The following RALGAPB variants were observed in gnomAD, a reference collection of about 807,000 sequenced individuals.
RALGAPB encodes ral GTPase-activating protein subunit beta.
A neutral mutation model predicts 161.1 loss-of-function variants in RALGAPB; 25 were observed. The ratio of observed to expected loss-of-function variants is 0.16; its 90% confidence interval spans 0.11 to 0.22. The LOEUF is 0.22. Ranked by LOEUF, RALGAPB falls within the 10% of genes least tolerant of loss-of-function variation. RALGAPB has a pLI of 1.00. For synonymous variants in RALGAPB, 629 were observed against 626.1 expected (o/e 1.00, Z -0.07); for missense variants, 1,391 against 1,815.2 (o/e 0.77, Z 4.25).
intron 5 of RALGAPB, 160 bp downstream of exon 5, chr20:38,499,793 G>C (rs750650415): frequency 1.7e-4 from 93 of 542,854 alleles, no homozygotes; most frequent in Non-Finnish European, 2.6e-4. Context: ...AGTTTGGCTA[G>C]TGCCTGTTTA....
At chr20:38,518,755 T>C (rs926987567) in intron 9 of RALGAPB, among the ~76,000 whole-genome samples, 30 of 152,314 alleles carry the variant, frequency 2.0e-4, no homozygotes, top group African/African-American at 7.0e-4. Context: ...TGAGCTGCTG[T>C]TACTATTGGC....
At chr20:38,474,041 T>A (rs1036694166) in intron 1 of RALGAPB, among the ~76,000 whole-genome samples, 1 of 152,330 alleles carries the variant, frequency 6.6e-6, no homozygotes, top group African/African-American at 2.4e-5. Flanking sequence ...TGTGAAAGAC[T>A]GTTAGGGATG....
intron 18 of RALGAPB, 88 bp downstream of exon 18, chr20:38,541,280 C>A: frequency 7.6e-7 from 1 of 1,319,000 alleles, no homozygotes; most frequent in South Asian, 1.7e-5. Flanking sequence ...CCTGATTGTT[C>A]AGCATTGCGT....
intron 5 of RALGAPB, among the ~76,000 whole-genome samples, chr20:38,508,304 A>G (rs2085828447): frequency 6.6e-6 from 1 of 152,126 alleles, no homozygotes; most frequent in Non-Finnish European, 1.5e-5. Context: ...AATGATTAAC[A>G]TACCTAACCT....
At position 38,570,931 on chromosome 20, in the gene RALGAPB, G is replaced by A. The variant is rs891727226; in HGVS notation, c.4142+84G>A. On this transcript the variant is annotated intron_variant, in intron 28 of 29. Transcript: ENST00000262879. ...CTTAATAAATAAGGAATTATGAAAC[G>A]AAAGAGTTGTAGACAACTAGAAATA... The A allele has an allele frequency of 2.2e-5, 20 of 919,324 alleles. No homozygotes were observed. In the African/African-American group the frequency reaches 2.2e-4, roughly 10 times the overall value. The allele number at this position is 919,324 out of a possible 1,614,324, so 56.9% of individuals were successfully genotyped here.
intron 17 of RALGAPB, among the ~76,000 whole-genome samples, chr20:38,540,315 A>G (rs999193643): frequency 6.6e-6 from 1 of 152,212 alleles, no homozygotes; most frequent in Non-Finnish European, 1.5e-5. Flanking sequence ...CAGGCTGCAA[A>G]CCTAGAGCAC....
rs769968931 is a variant in RALGAPB, at chr20:38,488,392, T to G, written c.-30-11T>G. 6.6e-7 allele frequency: 1 copy of G among 1,523,818 alleles called. No homozygotes were observed. The highest frequency in any genetic ancestry group is 9.0e-7 in the Non-Finnish European group (1 of 1,109,784). 94.4% of individuals were successfully genotyped at this position (1,523,818 alleles called of 1,614,324 possible). On this transcript the variant is annotated splice_polypyrimidine_tract_variant and intron_variant, in intron 1 of 29. Transcript: ENST00000262879. ...TATAATTTGACATGCATTTCTGTTTTGTCTTTTCAGGTGCCATTTGGATTG... is the reference window on the plus strand; with the variant it reads ...TATAATTTGACATGCATTTCTGTTTGGTCTTTTCAGGTGCCATTTGGATTG...
chr20:38,532,900 G>A (rs1213025010), intron 15 of RALGAPB, 41 bp downstream of exon 15: 1 of 1,584,538 alleles, frequency 6.3e-7, no homozygotes. Flanking sequence ...TTAATAGAAT[G>A]ACTTTAATGC....
chr20:38,532,157 G>A (rs2086672984), intron 14 of RALGAPB, among the ~76,000 whole-genome samples: 2 of 152,200 alleles, frequency 1.3e-5, no homozygotes, highest in Admixed American at 1.3e-4. Context: ...CCAGGTTCCT[G>A]CCATTCTTCT....
rs921017230 is a variant in RALGAPB, at chr20:38,576,824, A to G, written c.*1857A>G. On this transcript the variant is annotated 3_prime_UTR_variant, in exon 30 of 30. Transcript: ENST00000262879. ...TGAGCAGAGAAGGCTATAAATTAAT[A>G]TGTAACTTACAGCATTCCAGAGGTT... The G allele has an allele frequency of 1.3e-5, 2 of 152,652 alleles. No individual in the cohort carries two copies. The highest frequency in any genetic ancestry group is 4.8e-5 in the African/African-American group (2 of 41,448). 9.5% of individuals were successfully genotyped at this position (152,652 alleles called of 1,614,324 possible).
At chr20:38,510,393 A>G (rs1163974724) in intron 6 of RALGAPB, among the ~76,000 whole-genome samples, 1 of 152,156 alleles carries the variant, frequency 6.6e-6, no homozygotes, top group East Asian at 1.9e-4. Flanking sequence ...ACTTTATAAT[A>G]TTTACTGATA....
At chr20:38,546,506 A>T in intron 19 of RALGAPB, 76 bp downstream of exon 19, 2 of 1,575,846 alleles carry the variant, frequency 1.3e-6, no homozygotes, top group South Asian at 2.3e-5. Context: ...TTCCAGGATC[A>T]GGGAAGGACA....
chr20:38,516,761 T>C (rs968742257), intron 7 of RALGAPB: 1 of 159,426 alleles, frequency 6.3e-6, no homozygotes, highest in African/African-American at 2.4e-5. Context: ...AAAATACAGA[T>C]GAAAATGCAT....
At chr20:38,536,087 T>C (rs1018024938) in intron 16 of RALGAPB, among the ~76,000 whole-genome samples, 1 of 152,226 alleles carries the variant, frequency 6.6e-6, no homozygotes, top group African/African-American at 2.4e-5. Context: ...AGTTCCAAAA[T>C]GTTTTTATCA....
chr20:38,506,157 A>G (rs1420249225), intron 5 of RALGAPB, among the ~76,000 whole-genome samples: 2 of 152,198 alleles, frequency 1.3e-5, no homozygotes, highest in African/African-American at 4.8e-5. Context: ...ATATAGGAAG[A>G]TGTGTGTAGG....
At chr20:38,473,394 C>T (rs575262191) in intron 1 of RALGAPB, among the ~76,000 whole-genome samples, 1 of 152,248 alleles carries the variant, frequency 6.6e-6, no homozygotes, top group African/African-American at 2.4e-5. Context: ...AGAATTTGGT[C>T]CAGCAGAAAG....
chr20:38,513,088 C>A (rs2086013478), intron 6 of RALGAPB, among the ~76,000 whole-genome samples: 1 of 152,058 alleles, frequency 6.6e-6, no homozygotes, highest in African/African-American at 2.4e-5. Context: ...AAAATATAGG[C>A]CAGGCACGGT....
chr20:38,491,617 A>G (rs2085283591), intron 2 of RALGAPB, among the ~76,000 whole-genome samples: 5 of 152,236 alleles, frequency 3.3e-5, no homozygotes, highest in African/African-American at 1.2e-4. Flanking sequence ...TCTAGTTGGA[A>G]GACCAGGGTT....
chr20:38,571,600 C>T (rs559899723), intron 28 of RALGAPB, among the ~76,000 whole-genome samples: 89 of 152,262 alleles, frequency 5.8e-4, no homozygotes, highest in African/African-American at 1.7e-3. Context: ...CTTGTCTATT[C>T]GTCCATTGAT....
Sources: gnomAD v4.1 joint callset for allele counts (sites outside exome capture counted in the v4.1 genomes callset) on GRCh38, gnomAD v4.1.1 for gene constraint, MANE v1.5 for transcripts, NCBI Gene and HGNC (gene_info 2026-07-23, HGNC 2026-07-21) for gene names.